Variants in INTS10 observed in about 807,000 individuals in gnomAD.
The protein encoded by INTS10 is integrator complex subunit 10, also known as chromosome 8 open reading frame 35.
A neutral mutation model predicts 94.4 loss-of-function variants in INTS10; 44 were observed. The observed-to-expected ratio is 0.47, with a 90% confidence interval of 0.37 to 0.60. INTS10 has a LOEUF of 0.60. Among genes scored for constraint, INTS10 ranks in the 20% least tolerant of loss-of-function variants. INTS10 has a pLI of 0.00. For synonymous variants in INTS10, 341 were observed against 320.7 expected (o/e 1.06, Z -0.68); for missense variants, 797 against 868.7 (o/e 0.92, Z 1.04).
chr8:19,817,478 G>GA lies in INTS10; in HGVS notation c.-59dup. ...GGCGGCGGTGGCTGCCGTGGCGGCT[G>GA]AGAGTCCAGAGCCGGACGTTCCGGC... is the stretch of plus-strand genomic sequence containing the variant. On this transcript the variant is annotated 5_prime_UTR_variant, in exon 1 of 17. Transcript: ENST00000397977. The GA allele has an allele frequency of 6.4e-7, 1 of 1,562,610 alleles. No individual in the cohort carries two copies. The highest frequency in any genetic ancestry group is 1.2e-5 in the South Asian group (1 of 86,212).
At chr8:19,835,276 G>A (rs952740156) in intron 12 of INTS10, among the ~76,000 whole-genome samples, 5 of 152,068 alleles carry the variant, frequency 3.3e-5, no homozygotes, top group Non-Finnish European at 5.9e-5. Context: ...TATAATCGTT[G>A]CTTTCTAAAA....
At chr8:19,848,390 A>G (rs1160866892) in intron 16 of INTS10, among the ~76,000 whole-genome samples, 2 of 152,200 alleles carry the variant, frequency 1.3e-5, no homozygotes, top group African/African-American at 2.4e-5. Flanking sequence ...AATCTGTTAT[A>G]CAGACCTTTT....
intron 11 of INTS10, 122 bp downstream of exon 11, chr8:19,832,232 C>G (rs1439055388): frequency 1.5e-6 from 1 of 656,452 alleles, no homozygotes; most frequent in East Asian, 2.7e-5. Flanking sequence ...CTCCTGACAC[C>G]TGTTCTGTTT....
At chr8:19,850,709 T>TAAGTC (rs1410359672) in intron 16 of INTS10, among the ~76,000 whole-genome samples, 1 of 152,224 alleles carries the variant, frequency 6.6e-6, no homozygotes. Context: ...TTTATTTGTC[T>TAAGTC]AAGTCTACCA....
chr8:19,851,626 T>C lies in INTS10; in HGVS notation c.1977-23T>C, dbSNP rs1184247346. 1 of 1,613,380 alleles carries C rather than the reference T, an allele frequency of 6.2e-7. No individual in the cohort carries two copies. Among genetic ancestry groups the C allele is most frequent in the Non-Finnish European group, 8.5e-7 (1 of 1,179,454 alleles). On this transcript the variant is annotated intron_variant, in intron 16 of 16. Transcript: ENST00000397977. This position sits in a 1 kb window ranked among gnomAD's most constrained non-coding sequence, Gnocchi z 5.0. ...CTGGTGCTAACCCCTGGTCTTTGTC[T>C]GTTTCCCTATTGCTGACCTCAGGCA...
In INTS10 at chr8:19,820,593, A is replaced by C. The variant is rs1483089541; in HGVS notation, c.441+75A>C. 3.0e-6 allele frequency: 4 copies of C among 1,328,812 alleles called. No individual in the cohort carries two copies. In the African/African-American group the frequency reaches 5.9e-5, roughly 19 times the overall value. 82.3% of individuals were successfully genotyped at this position (1,328,812 alleles called of 1,614,324 possible). A position where few individuals can be genotyped will look rare whatever the true frequency, so the allele number is the denominator to read the frequency against. On this transcript the variant is annotated intron_variant, in intron 4 of 16. Coordinates refer to ENST00000397977, the MANE Select transcript of INTS10 (RefSeq NM_018142.4). ...CAACAGATTCATCGGTATGGTGAGGAGCTACAAAGCAGAAGTTTCTGAAGA... is the reference window on the plus strand; with the variant it reads ...CAACAGATTCATCGGTATGGTGAGGCGCTACAAAGCAGAAGTTTCTGAAGA...
chr8:19,833,258 C>T lies in INTS10; in HGVS notation c.1467C>T (p.Thr489=), dbSNP rs1199850564. ...ISQPQITGQG[T]LEHQRALIQL... ...AGCCACAGATCACAGGGCAGGGGAC[C>T]CTGGAGCATCAGAGGGCGCTCATCC... is the stretch of plus-strand genomic sequence containing the variant. Residue 489 remains threonine, a synonymous_variant, in exon 12 of 17, where the codon ACC becomes ACT. Coordinates refer to ENST00000397977, the MANE Select transcript of INTS10 (RefSeq NM_018142.4). 1.2e-6 allele frequency: 2 copies of T among 1,612,844 alleles called. No homozygotes were observed. Among genetic ancestry groups the T allele is most frequent in the Non-Finnish European group, 1.7e-6 (2 of 1,179,380 alleles).
chr8:19,824,699 G>A (rs1208558080), intron 7 of INTS10, 104 bp from the exon 8 acceptor site: 2 of 704,314 alleles, frequency 2.8e-6, no homozygotes, highest in Admixed American at 3.2e-5. Flanking sequence ...ACATGCCTAG[G>A]GCAACATTTG....
At chr8:19,845,988 C>T in intron 16 of INTS10, 191 bp downstream of exon 16, 1 of 476,294 alleles carries the variant, frequency 2.1e-6, no homozygotes, top group Non-Finnish European at 3.8e-6. Flanking sequence ...TCTTAAAACA[C>T]TTTGCTTAAA....
chr8:19,841,519 T>G (rs1194769273), intron 13 of INTS10, among the ~76,000 whole-genome samples: 3 of 152,118 alleles, frequency 2.0e-5, no homozygotes, highest in Non-Finnish European at 4.4e-5. Context: ...GAAGAACAGA[T>G]TCACAGGAGC....
chr8:19,835,997 G>T (rs1169080192), intron 12 of INTS10, among the ~76,000 whole-genome samples: 2 of 152,062 alleles, frequency 1.3e-5, no homozygotes, highest in Non-Finnish European at 2.9e-5. Context: ...GCCTGTCAGG[G>T]GGTCGGGGGC....
intron 16 of INTS10, among the ~76,000 whole-genome samples, chr8:19,847,279 T>G (rs7840474): frequency 0.043 from 6,502 of 152,270 alleles, 486 homozygotes; most frequent in African/African-American, 0.15. Flanking sequence ...TCTGCATTGG[T>G]TTGCTTAAGC....
intron 12 of INTS10, 128 bp downstream of exon 12, chr8:19,833,449 C>A: frequency 9.9e-6 from 6 of 604,182 alleles, no homozygotes; most frequent in Non-Finnish European, 1.5e-5. Flanking sequence ...AGATTTATTA[C>A]TTAATCTGCT....
intron 15 of INTS10, 159 bp from the exon 16 acceptor site, chr8:19,845,545 T>TA (rs1014365732): frequency 1.6e-6 from 1 of 614,846 alleles, no homozygotes; most frequent in Non-Finnish European, 3.0e-6. Context: ...ATGGGCAAGT[T>TA]ACTCAACTGC....
rs1186835546 is a variant in INTS10 at position 19,846,326 on chromosome 8, G to C, written c.1976+529G>C. On this transcript the variant is annotated intron_variant, in intron 16 of 16. Transcript: ENST00000397977. The surrounding 1 kb of genome is among the most constrained non-coding windows in gnomAD (Gnocchi z 4.2). Reference sequence around the variant, plus strand: ...TGGGCACCTGTAATCCCAGCTACTTGGGAGGCTGAGGCAGGAGAACCGCTT... The same window carrying C: ...TGGGCACCTGTAATCCCAGCTACTTCGGAGGCTGAGGCAGGAGAACCGCTT... Among the ~76,000 whole-genome samples the C allele has an allele frequency of 6.6e-6, 1 of 151,940 alleles. No homozygotes were observed. The highest frequency in any genetic ancestry group is 1.5e-5 in the Non-Finnish European group (1 of 67,958).
intron 16 of INTS10, among the ~76,000 whole-genome samples, chr8:19,850,760 G>A (rs1160193321): frequency 6.6e-6 from 1 of 152,112 alleles, no homozygotes; most frequent in African/African-American, 2.4e-5. Flanking sequence ...CCTCTTAACT[G>A]AGCTGACTGA....
chr8:19,845,798 G>A lies in INTS10; in HGVS notation c.1976+1G>A. On this transcript the variant is annotated splice_donor_variant, in intron 16 of 16. Coordinates refer to ENST00000397977, the MANE Select transcript of INTS10 (RefSeq NM_018142.4). LOFTEE classifies it high-confidence loss of function. The stretch of plus-strand genomic sequence containing the variant: ...TACCCAATCAAGGAATGCTGATCAA[G>A]TAAGCATGTTCTCTTTTGCTCTTCC... The A allele has an allele frequency of 6.2e-7, 1 of 1,605,908 alleles. No homozygotes were observed. The highest frequency in any genetic ancestry group is 8.5e-7 in the Non-Finnish European group (1 of 1,172,506).
chr8:19,845,900 G>T, intron 16 of INTS10, 103 bp downstream of exon 16: 1 of 744,322 alleles, frequency 1.3e-6, no homozygotes, highest in Non-Finnish European at 2.3e-6. Context: ...TTAATACAAA[G>T]GACTTTAAAC....
intron 1 of INTS10, 116 bp downstream of exon 1, chr8:19,817,782 C>T: frequency 7.5e-7 from 1 of 1,332,676 alleles, no homozygotes; most frequent in East Asian, 2.5e-5. Flanking sequence ...TGCCCGGCCC[C>T]CTGCTTTCTC....
Sources: allele counts gnomAD v4.1 joint callset (sites outside exome capture counted in the v4.1 genomes callset), GRCh38; gene constraint gnomAD v4.1.1; non-coding constraint Gnocchi (gnomAD v3.1); transcripts MANE v1.5; gene names NCBI Gene and HGNC (gene_info 2026-07-23, HGNC 2026-07-21).